The following TEK variants were observed in gnomAD, a reference collection of about 807,000 sequenced individuals.
TEK encodes the protein angiopoietin-1 receptor.
Under a neutral mutation model 131.8 loss-of-function variants are expected in TEK, and 43 were observed. The observed-to-expected ratio is 0.33, with a 90% CI of 0.26 to 0.42. TEK has a LOEUF of 0.42. Ranked by LOEUF, TEK falls within the 10% of genes least tolerant of loss-of-function variation. The pLI is 1.00. For synonymous variants in TEK, 580 were observed against 491.6 expected (o/e 1.18, Z -2.38); for missense variants, 1,162 against 1,384.4 (o/e 0.84, Z 2.55).
intron 1 of TEK, among the ~76,000 whole-genome samples, chr9:27,132,076 AT>A (rs978898694): frequency 2.1e-5 from 3 of 144,154 alleles, no homozygotes; most frequent in Non-Finnish European, 4.6e-5. Flanking sequence ...GACATCTTTT[AT>A]TTTTATTCTT....
intron 4 of TEK, among the ~76,000 whole-genome samples, chr9:27,171,837 C>T (rs1346510813): frequency 6.6e-6 from 1 of 152,160 alleles, no homozygotes; most frequent in East Asian, 1.9e-4. Context: ...GTGACATCCC[C>T]TTTTATTCCA....
intron 9 of TEK, among the ~76,000 whole-genome samples, chr9:27,187,144 G>A (rs187767696): frequency 9.9e-5 from 15 of 152,188 alleles, no homozygotes; most frequent in African/African-American, 3.6e-4. Flanking sequence ...ACACAGAAGA[G>A]TCACTGGGTC....
chr9:27,173,735 T>G (rs1179104773), intron 6 of TEK, among the ~76,000 whole-genome samples: 1 of 108,092 alleles, frequency 9.3e-6, no homozygotes, highest in Non-Finnish European at 2.0e-5. Flanking sequence ...TTTTTTTTTT[T>G]GGTTTTTTTT....
At chr9:27,155,553 G>A (rs1205143803) in intron 1 of TEK, among the ~76,000 whole-genome samples, 1 of 152,124 alleles carries the variant, frequency 6.6e-6, no homozygotes, top group African/African-American at 2.4e-5. Context: ...AAACATCACT[G>A]AATACAGTAA....
intron 11 of TEK, 38 bp from the exon 12 acceptor site, chr9:27,197,277 C>T (rs1183232836): frequency 1.2e-6 from 2 of 1,602,138 alleles, no homozygotes; most frequent in Admixed American, 1.7e-5. Flanking sequence ...ACTATATCAG[C>T]CATATATAAA....
At chr9:27,157,712 A>G in intron 1 of TEK, 119 bp from the exon 2 acceptor site, 2 of 1,224,294 alleles carry the variant, frequency 1.6e-6, no homozygotes, top group East Asian at 2.3e-5. Context: ...CATGGTCAGA[A>G]TAGCATTTTA....
chr9:27,229,030 A>G (rs527688624), intron 22 of TEK, 128 bp from the exon 23 acceptor site: 2 of 808,220 alleles, frequency 2.5e-6, no homozygotes, highest in East Asian at 4.9e-5. Context: ...TGAGGACAGA[A>G]AAGTATCCCC....
At chr9:27,168,694 G>A (rs1823833997) in intron 3 of TEK, 89 bp downstream of exon 3, 3 of 1,018,628 alleles carry the variant, frequency 2.9e-6, no homozygotes, top group Non-Finnish European at 4.5e-6. Flanking sequence ...TTGTGGTCTT[G>A]TGGGCAGATG....
At chr9:27,143,808 G>T (rs1438717060) in intron 1 of TEK, among the ~76,000 whole-genome samples, 1 of 152,164 alleles carries the variant, frequency 6.6e-6, no homozygotes, top group Non-Finnish European at 1.5e-5. Flanking sequence ...CATACCTACT[G>T]GCTACCAGGT....
chr9:27,202,771 G>A (rs2131207017), intron 12 of TEK, 49 bp from the exon 13 acceptor site: 2 of 1,573,614 alleles, frequency 1.3e-6, no homozygotes, highest in Non-Finnish European at 1.7e-6. Flanking sequence ...TAATGATCTA[G>A]GCCATGGTAG....
chr9:27,124,873 C>G (rs188595297), intron 1 of TEK, among the ~76,000 whole-genome samples: 1 of 152,152 alleles, frequency 6.6e-6, no homozygotes, highest in African/African-American at 2.4e-5. Context: ...TGAGGTCTAT[C>G]CCACCAGAGT....
Position 27,229,169 on chromosome 9 carries a change from T to C in TEK, c.3312T>C (p.Asn1104=). The change falls in exon 23 of 23, where the codon AAT becomes AAC. Residue 1104 remains asparagine (N), a synonymous_variant. Transcript: ENST00000380036. ...RMLEERKTYV[N]TTLYEKFTYA... ...TTTCATTCTTCCAGACCTACGTGAA[T>C]ACCACGCTTTATGAGAAGTTTACTT... 1 of 1,613,790 alleles carries C rather than the reference T, an allele frequency of 6.2e-7. No individual in the cohort carries two copies. Among genetic ancestry groups the C allele is most frequent in the South Asian group, 1.1e-5 (1 of 91,072 alleles).
intron 18 of TEK, among the ~76,000 whole-genome samples, chr9:27,214,349 T>G (rs1380982451): frequency 1.3e-5 from 2 of 152,200 alleles, no homozygotes; most frequent in Admixed American, 6.5e-5. Flanking sequence ...CTGCAGCCTT[T>G]CCATGTGTCT....
In TEK at chr9:27,177,549, G is replaced by A. The variant is rs1434138080; in HGVS notation, c.902-2691G>A. 3.3e-5 allele frequency among the ~76,000 whole-genome samples: 5 copies of A among 152,280 alleles called. 1 individual carries two copies. The Middle Eastern group carries it at 0.01, about 311-fold the overall frequency. On this transcript the variant is annotated intron_variant, in intron 6 of 22. Coordinates refer to ENST00000380036, the MANE Select transcript of TEK (RefSeq NM_000459.5). Reference sequence around the variant, plus strand: ...GCGGATCACCTGAGGTTGGGAGTTCGAGACCAGCCTGACCAACAACGAGAA... The same window carrying A: ...GCGGATCACCTGAGGTTGGGAGTTCAAGACCAGCCTGACCAACAACGAGAA...
chr9:27,158,677 G>T lies in TEK; in HGVS notation c.364+535G>T, dbSNP rs575110523. On this transcript the variant is annotated intron_variant, in intron 2 of 22. Coordinates refer to ENST00000380036, the MANE Select transcript of TEK (RefSeq NM_000459.5). The stretch of plus-strand genomic sequence containing the variant: ...TTCTTTTCCTTTTTTTTTTTTTTTG[G>T]GGGGGTGGAGTCTCACTCTGTCACC... 9.1e-5 allele frequency among the ~76,000 whole-genome samples: 13 copies of T among 142,924 alleles called. No homozygotes were observed. In the South Asian group the frequency reaches 2.0e-3, roughly 23 times the overall value. 93.8% of individuals were successfully genotyped at this position (142,924 alleles called of 152,430 possible).
intron 12 of TEK, among the ~76,000 whole-genome samples, chr9:27,201,076 C>T (rs79799765): frequency 0.042 from 6,328 of 152,256 alleles, 167 homozygotes; most frequent in Non-Finnish European, 0.062. Flanking sequence ...TATCCCGTTT[C>T]TAAATTGTTT....
At chr9:27,202,579 T>C (rs1825257368) in intron 12 of TEK, among the ~76,000 whole-genome samples, 1 of 152,226 alleles carries the variant, frequency 6.6e-6, no homozygotes, top group Non-Finnish European at 1.5e-5. Context: ...AATAACAGAA[T>C]TTCTAAGGCC....
chr9:27,158,729 G>T (rs1221211580), intron 2 of TEK, among the ~76,000 whole-genome samples: 1 of 148,616 alleles, frequency 6.7e-6, no homozygotes, highest in Non-Finnish European at 1.5e-5. Context: ...GCATGATTTT[G>T]GCTCACTGCA....
intron 11 of TEK, among the ~76,000 whole-genome samples, chr9:27,193,878 C>T (rs1404340133): frequency 6.6e-6 from 1 of 152,170 alleles, no homozygotes; most frequent in African/African-American, 2.4e-5. Context: ...TTGATCAACA[C>T]TCATTACAGC....
Sources: gnomAD v4.1 joint callset for allele counts (sites outside exome capture counted in the v4.1 genomes callset) on GRCh38, gnomAD v4.1.1 for gene constraint, MANE v1.5 for transcripts, NCBI Gene and HGNC (gene_info 2026-07-23, HGNC 2026-07-21) for gene names.